The following DOCK3 variants were observed in gnomAD, a reference collection of about 807,000 sequenced individuals.
The protein encoded by DOCK3 is dedicator of cytokinesis protein 3.
DOCK3 carries 60 observed loss-of-function variants against 265.6 expected under a neutral mutation model. The observed-to-expected ratio is 0.23, with a 90% CI of 0.18 to 0.28. The LOEUF (loss-of-function observed/expected upper bound fraction) is 0.28. Among genes scored for constraint, DOCK3 ranks in the 10% least tolerant of loss-of-function variants. DOCK3 has a pLI of 1.00. For synonymous variants in DOCK3, 881 were observed against 938.0 expected (o/e 0.94, Z 1.11); for missense variants, 1,981 against 2,594.3 (o/e 0.76, Z 5.14).
intron 23 of DOCK3, among the ~76,000 whole-genome samples, chr3:51,265,124 C>T (rs1240203967): frequency 1.3e-5 from 2 of 152,126 alleles, no homozygotes; most frequent in Non-Finnish European, 2.9e-5. Context: ...AATTCCTGGA[C>T]ACATGCGCCA....
chr3:50,815,170 A>G (rs1445124272), intron 2 of DOCK3, among the ~76,000 whole-genome samples: 1 of 151,782 alleles, frequency 6.6e-6, no homozygotes, highest in South Asian at 2.1e-4. Flanking sequence ...CAAGACTTCT[A>G]CTCTATTATT....
At chr3:50,978,648 C>T (rs1235849986) in intron 5 of DOCK3, among the ~76,000 whole-genome samples, 4 of 152,310 alleles carry the variant, frequency 2.6e-5, no homozygotes, top group East Asian at 1.9e-4. Flanking sequence ...GCAGGCAGGC[C>T]TCCTTGAGCT....
intron 5 of DOCK3, among the ~76,000 whole-genome samples, chr3:51,002,352 G>A (rs1199165899): frequency 6.6e-6 from 1 of 152,060 alleles, no homozygotes; most frequent in African/African-American, 2.4e-5. Flanking sequence ...TTAGTCCTTT[G>A]CCAGATATTT....
intron 27 of DOCK3, among the ~76,000 whole-genome samples, chr3:51,300,702 C>G (rs1419723982): frequency 1.3e-5 from 2 of 151,992 alleles, no homozygotes; most frequent in African/African-American, 2.4e-5. Flanking sequence ...GCTGAATTAC[C>G]TTTATTGATT....
At chr3:51,100,728 A>G (rs1480756533) in intron 9 of DOCK3, among the ~76,000 whole-genome samples, 4 of 152,224 alleles carry the variant, frequency 2.6e-5, no homozygotes, top group African/African-American at 9.7e-5. Flanking sequence ...GGTCCAGGAT[A>G]AAATCCAAAG....
intron 4 of DOCK3, among the ~76,000 whole-genome samples, chr3:50,923,253 A>G (rs1378064571): frequency 1.3e-5 from 2 of 152,168 alleles, no homozygotes; most frequent in Admixed American, 6.5e-5. Flanking sequence ...CTTTTTTTGT[A>G]TAATGACTTC....
At chr3:50,926,841 G>A (rs950828872) in intron 4 of DOCK3, among the ~76,000 whole-genome samples, 6 of 152,196 alleles carry the variant, frequency 3.9e-5, no homozygotes, top group African/African-American at 7.2e-5. Context: ...TCTTGCCTGT[G>A]TTACAGCACC....
chr3:51,196,519 A>T (rs954226372), intron 12 of DOCK3, among the ~76,000 whole-genome samples: 4 of 152,048 alleles, frequency 2.6e-5, no homozygotes, highest in Non-Finnish European at 4.4e-5. Context: ...GTCTCTTTGA[A>T]CTTGTGGATA....
intron 1 of DOCK3, among the ~76,000 whole-genome samples, chr3:50,685,344 A>G (rs2034711261): frequency 1.3e-5 from 2 of 152,242 alleles, no homozygotes; most frequent in African/African-American, 4.8e-5. Context: ...AAAAATTTCA[A>G]AATTGATACA....
chr3:50,877,987 C>T (rs1366529708), intron 3 of DOCK3, among the ~76,000 whole-genome samples: 11 of 152,152 alleles, frequency 7.2e-5, no homozygotes, highest in African/African-American at 1.9e-4. Flanking sequence ...CTGCAGCCTC[C>T]GCTGGTGATA....
At chr3:50,970,919 AT>A (rs1559878497) in intron 5 of DOCK3, among the ~76,000 whole-genome samples, 17 of 71,648 alleles carry the variant, frequency 2.4e-4, no homozygotes, top group East Asian at 9.9e-4. Flanking sequence ...ATATATATAT[AT>A]ATATATATAT....
chr3:51,321,320 A>G lies in DOCK3; in HGVS notation c.3402+6192A>G, dbSNP rs776551702. 5.3e-5 allele frequency among the ~76,000 whole-genome samples: 8 copies of G among 152,346 alleles called. 1 individual carries two copies. The South Asian group carries it at 1.7e-3, about 32-fold the overall frequency. On this transcript the variant is annotated intron_variant, in intron 32 of 52. Coordinates refer to ENST00000266037, the MANE Select transcript of DOCK3 (RefSeq NM_004947.5). ...GACGTCCACACAGAGACCTCATCTGAAGGTCACAAATATCAAAGACCAACG... is the reference window on the plus strand; with the variant it reads ...GACGTCCACACAGAGACCTCATCTGGAGGTCACAAATATCAAAGACCAACG...
intron 4 of DOCK3, among the ~76,000 whole-genome samples, chr3:50,931,005 G>A (rs554456026): frequency 7.2e-4 from 110 of 152,268 alleles, no homozygotes; most frequent in African/African-American, 2.6e-3. Flanking sequence ...CTGGGGGTGG[G>A]TCATGCCCGG....
intron 2 of DOCK3, among the ~76,000 whole-genome samples, chr3:50,828,495 C>T (rs576905744): frequency 6.6e-6 from 1 of 152,182 alleles, no homozygotes; most frequent in African/African-American, 2.4e-5. Flanking sequence ...AACTCTGCCT[C>T]CTGGGTTCAA....
At chr3:50,758,177 C>CAAAAAAAAAAAA (rs771690340) in intron 1 of DOCK3, among the ~76,000 whole-genome samples, 3 of 23,816 alleles carry the variant, frequency 1.3e-4, no homozygotes, top group African/African-American at 2.2e-4. Flanking sequence ...GACTCTGTCT[C>CAAAAAAAAAAAA]AAAAAAAAAA....
At chr3:50,817,246 T>G (rs1189089628) in intron 2 of DOCK3, among the ~76,000 whole-genome samples, 1 of 152,164 alleles carries the variant, frequency 6.6e-6, no homozygotes, top group Non-Finnish European at 1.5e-5. Flanking sequence ...TGTGTTAACC[T>G]CCTATCTCGT....
intron 1 of DOCK3, among the ~76,000 whole-genome samples, chr3:50,736,898 G>A (rs550283477): frequency 3.4e-4 from 51 of 151,814 alleles, no homozygotes; most frequent in African/African-American, 8.7e-4. Context: ...GGGTTTCACC[G>A]TGTTAGGATG....
In DOCK3 at chr3:50,874,518, GA is replaced by G. The variant is rs772981768; in HGVS notation, c.163-15497del. Among the ~76,000 whole-genome samples the G allele has an allele frequency of 9.2e-4, 117 of 127,116 alleles. 1 individual carries two copies. The highest frequency in any genetic ancestry group is 3.8e-3 in the Middle Eastern group (1 of 262). 83.4% of individuals were successfully genotyped at this position (127,116 alleles called of 152,430 possible). ...ACCCTGTATCTTAGAAATAAATAAA[GA>G]AAAAAAAAAACAAAAAAAGTATAGG... On this transcript the variant is annotated intron_variant, in intron 3 of 52. Coordinates refer to ENST00000266037, the MANE Select transcript of DOCK3 (RefSeq NM_004947.5).
chr3:50,855,492 G>A (rs543900869), intron 3 of DOCK3, among the ~76,000 whole-genome samples: 23 of 152,116 alleles, frequency 1.5e-4, no homozygotes, highest in African/African-American at 5.1e-4. Flanking sequence ...ACGTGACACT[G>A]GTTTTTGTAT....
Sources: allele counts gnomAD v4.1 joint callset (sites outside exome capture counted in the v4.1 genomes callset), GRCh38; gene constraint gnomAD v4.1.1; transcripts MANE v1.5; gene names NCBI Gene and HGNC (gene_info 2026-07-23, HGNC 2026-07-21).